Variants in ERC2 observed in about 807,000 individuals in gnomAD.
ERC2 encodes ELKS/RAB6-interacting/CAST family member 2, also known as ERC protein 2.
A neutral mutation model predicts 114.8 loss-of-function variants in ERC2; 42 were observed. That is an observed-to-expected ratio of 0.37 (90% CI 0.29 to 0.47). The LOEUF (loss-of-function observed/expected upper bound fraction) is 0.47, where lower values mean the gene tolerates loss of function less well. Ranked by LOEUF, ERC2 falls within the 20% of genes least tolerant of loss-of-function variation. The probability of loss-of-function intolerance (pLI) is 0.99; values close to 1 mark genes in which losing one functional copy is unlikely to be tolerated. For missense variants in ERC2, 939 were observed against 1,150.7 expected (o/e 0.82, Z 2.66); for synonymous variants, 454 against 425.5 (o/e 1.07, Z -0.82).
intron 3 of ERC2, among the ~76,000 whole-genome samples, chr3:56,221,775 G>A (rs9834759): frequency 0.044 from 6,668 of 152,172 alleles, 203 homozygotes; most frequent in African/African-American, 0.083. Context: ...GTGGTAGTGG[G>A]CGCCTGTAGT....
At chr3:56,356,034 C>T (rs1159365022) in intron 2 of ERC2, among the ~76,000 whole-genome samples, 1 of 152,154 alleles carries the variant, frequency 6.6e-6, no homozygotes, top group Non-Finnish European at 1.5e-5. Context: ...GTCAGCAGGG[C>T]TAGAAAACCA....
At chr3:56,094,625 T>A (rs9843999) in intron 6 of ERC2, among the ~76,000 whole-genome samples, 3,396 of 152,310 alleles carry the variant, frequency 0.022, 101 homozygotes, top group African/African-American at 0.061. Flanking sequence ...AAATTTCATG[T>A]CAGGAGGTGA....
rs79813395 is a variant in ERC2 at position 55,732,963 on chromosome 3, A to G, written c.2712+1808T>C. 5.9e-5 allele frequency among the ~76,000 whole-genome samples: 9 copies of G among 152,258 alleles called. No individual in the cohort carries two copies. In the East Asian group the frequency reaches 1.4e-3, roughly 23 times the overall value. On this transcript the variant is annotated intron_variant, in intron 15 of 17. Coordinates refer to ENST00000288221, the MANE Select transcript of ERC2 (RefSeq NM_015576.3). ...ACCCCCACCCCCAATGACGGGGGCA[A>G]GTGTCTCCTTAGCAGCTGACTGACC...
intron 7 of ERC2, among the ~76,000 whole-genome samples, chr3:56,080,175 A>G (rs1354990182): frequency 6.6e-6 from 1 of 152,168 alleles, no homozygotes; most frequent in Non-Finnish European, 1.5e-5. Flanking sequence ...CACTAAAACT[A>G]TATACAGTAG....
At chr3:56,234,973 T>C (rs76430194) in intron 3 of ERC2, among the ~76,000 whole-genome samples, 107 of 152,238 alleles carry the variant, frequency 7.0e-4, no homozygotes, top group African/African-American at 2.4e-3. Context: ...GATAGAGTGG[T>C]TTCAGTTGGG....
At chr3:55,900,774 A>G (rs1431871603) in intron 13 of ERC2, among the ~76,000 whole-genome samples, 7 of 152,216 alleles carry the variant, frequency 4.6e-5, no homozygotes, top group Admixed American at 4.6e-4. Context: ...TAGATAGTCA[A>G]CAGATGTGGG....
At chr3:56,286,289 C>G (rs1369665727) in intron 3 of ERC2, among the ~76,000 whole-genome samples, 1 of 151,912 alleles carries the variant, frequency 6.6e-6, no homozygotes, top group Non-Finnish European at 1.5e-5. Context: ...TGTCGCATGC[C>G]TGTAATCCCA....
intron 7 of ERC2, among the ~76,000 whole-genome samples, chr3:56,055,056 G>A (rs975578262): frequency 6.6e-6 from 1 of 152,178 alleles, no homozygotes; most frequent in African/African-American, 2.4e-5. Context: ...TACCTCAGGC[G>A]AGACACAGGC....
At chr3:55,702,279 T>TG (rs34992227) in intron 15 of ERC2, among the ~76,000 whole-genome samples, 1 of 152,200 alleles carries the variant, frequency 6.6e-6, no homozygotes, top group Non-Finnish European at 1.5e-5. Flanking sequence ...ATACCAGATC[T>TG]GGGGGAAATG....
At position 55,523,059 on chromosome 3, in the gene ERC2, G is replaced by C. The variant is rs145361852; in HGVS notation, c.*40-11783C>G. Among the ~76,000 whole-genome samples, 15 of 152,330 alleles carry C rather than the reference G, an allele frequency of 9.8e-5. No homozygotes were observed. The East Asian group carries it at 2.3e-3, about 24-fold the overall frequency. ...TCCTCTAAGACTGGGTTGGCATCCA[G>C]GACTGAAGGCTAGGAAATGCCTTTG... On this transcript the variant is annotated intron_variant, in intron 17 of 17. Transcript: ENST00000288221.
chr3:55,677,591 A>G (rs961997673), intron 17 of ERC2, among the ~76,000 whole-genome samples: 1 of 152,068 alleles, frequency 6.6e-6, no homozygotes, highest in Non-Finnish European at 1.5e-5. Context: ...GGGGTGTCAC[A>G]ACCTTCCTCA....
At chr3:55,699,605 C>T (rs911974434) in intron 15 of ERC2, 93 bp from the exon 16 acceptor site, 16 of 1,330,016 alleles carry the variant, frequency 1.2e-5, no homozygotes, top group Admixed American at 5.1e-5. Flanking sequence ...ATAGGGATCC[C>T]TTTGTTCCTA....
chr3:56,146,775 C>A (rs1466987319), intron 5 of ERC2, among the ~76,000 whole-genome samples: 8 of 152,234 alleles, frequency 5.3e-5, no homozygotes, highest in African/African-American at 1.9e-4. Flanking sequence ...CAAAGGCAGG[C>A]TGGAGACTTG....
At chr3:56,206,181 AC>A (rs1575822756) in intron 3 of ERC2, among the ~76,000 whole-genome samples, 1 of 9,778 alleles carries the variant, frequency 1.0e-4, no homozygotes, top group African/African-American at 1.3e-4. Context: ...AGCCAGAAAA[AC>A]ACACACACAC....
chr3:56,334,875 G>T (rs141474505), intron 2 of ERC2, among the ~76,000 whole-genome samples: 3,042 of 152,274 alleles, frequency 0.02, 111 homozygotes, highest in African/African-American at 0.068. Flanking sequence ...CGCAATCTCG[G>T]CTCACTGCAG....
chr3:55,562,985 G>T (rs975053133), intron 17 of ERC2, among the ~76,000 whole-genome samples: 1 of 152,054 alleles, frequency 6.6e-6, no homozygotes, highest in Non-Finnish European at 1.5e-5. Context: ...TATAAGTTTG[G>T]CATATATTGT....
chr3:56,211,270 T>G (rs1286719503), intron 3 of ERC2, among the ~76,000 whole-genome samples: 2 of 152,114 alleles, frequency 1.3e-5, no homozygotes, highest in African/African-American at 4.8e-5. Context: ...ACAAAATCAA[T>G]GTACACAAAT....
chr3:56,315,067 A>G (rs999950639), intron 2 of ERC2, among the ~76,000 whole-genome samples: 1 of 152,210 alleles, frequency 6.6e-6, no homozygotes, highest in African/African-American at 2.4e-5. Flanking sequence ...CTGATGGGAC[A>G]GCCGCCATAA....
intron 17 of ERC2, among the ~76,000 whole-genome samples, chr3:55,591,609 G>C (rs550326940): frequency 6.6e-6 from 1 of 151,940 alleles, no homozygotes; most frequent in East Asian, 1.9e-4. Context: ...GTGCGCGCGC[G>C]TGTGGTTTTG....
Sources: allele counts gnomAD v4.1 joint callset (sites outside exome capture counted in the v4.1 genomes callset), GRCh38; gene constraint gnomAD v4.1.1; transcripts MANE v1.5; gene names NCBI Gene and HGNC (gene_info 2026-07-23, HGNC 2026-07-21).